The following TPD52L1 variants were observed in gnomAD, a reference collection of about 807,000 sequenced individuals.
TPD52L1 encodes the protein tumor protein D53.
TPD52L1 carries 18 observed loss-of-function variants against 28.7 expected under a neutral mutation model. The ratio of observed to expected loss-of-function variants is 0.63; its 90% CI spans 0.43 to 0.93. The LOEUF is 0.93. TPD52L1 is among the 40% of genes least tolerant of loss of function. The pLI is 0.00. For synonymous variants in TPD52L1, 75 were observed against 88.8 expected, an observed-to-expected ratio of 0.84 and a Z score of 0.88; for missense variants, 203 against 254.8, an observed-to-expected ratio of 0.80 and a Z score of 1.39.
At chr6:125,252,545 C>T (rs545367646) in intron 4 of TPD52L1, 2 of 152,258 alleles carry the variant, frequency 1.3e-5, no homozygotes, top group African/African-American at 4.8e-5. Context: ...AAAGCACGTA[C>T]GTATGTTAAG....
At chr6:125,202,212 TC>T (rs1793837579) in intron 1 of TPD52L1, among the ~76,000 whole-genome samples, 1 of 152,180 alleles carries the variant, frequency 6.6e-6, no homozygotes, top group Non-Finnish European at 1.5e-5. Flanking sequence ...TTACTATCTA[TC>T]CCTTTCTTTA....
Position 125,248,507 on chromosome 6 carries a change from T to C in TPD52L1, c.386+124T>C. On this transcript the variant is annotated intron_variant, in intron 4 of 6. Coordinates refer to ENST00000534000, the MANE Select transcript of TPD52L1 (RefSeq NM_003287.4). ...TTTATTTTAATGGATAAAAATGTTA[T>C]ATGGCTGATATGATTGATGACTAAG... is the stretch of plus-strand genomic sequence containing the variant. The C allele has an allele frequency of 1.5e-5, 10 of 665,352 alleles. No individual in the cohort carries two copies. In the South Asian group the frequency reaches 1.7e-4, roughly 11 times the overall value. The allele number at this position is 665,352 out of a possible 1,614,324, so 41.2% of individuals were successfully genotyped here. A position where few individuals can be genotyped will look rare whatever the true frequency, so the allele number is the denominator to read the frequency against.
chr6:125,246,205 G>A (rs1796912224), intron 3 of TPD52L1, among the ~76,000 whole-genome samples: 1 of 152,156 alleles, frequency 6.6e-6, no homozygotes, highest in South Asian at 2.1e-4. Flanking sequence ...TCCCTCTCCT[G>A]TGATCTGGAT....
intron 1 of TPD52L1, among the ~76,000 whole-genome samples, chr6:125,172,475 T>C (rs1228707952): frequency 1.8e-5 from 2 of 111,484 alleles, no homozygotes; most frequent in African/African-American, 7.7e-5. Flanking sequence ...TGTGTGTGTG[T>C]GTGTTTTTTT....
chr6:125,183,187 A>C (rs936431738), intron 1 of TPD52L1, among the ~76,000 whole-genome samples: 3 of 152,198 alleles, frequency 2.0e-5, no homozygotes, highest in African/African-American at 7.2e-5. Context: ...TTTTGTAGTT[A>C]GAAATGGAGA....
At chr6:125,239,139 T>A (rs1796466123) in intron 3 of TPD52L1, among the ~76,000 whole-genome samples, 1 of 152,126 alleles carries the variant, frequency 6.6e-6, no homozygotes, top group African/African-American at 2.4e-5. Context: ...CAATGTCTAT[T>A]TTTTTTAATT....
intron 1 of TPD52L1, among the ~76,000 whole-genome samples, chr6:125,206,029 G>A (rs1794109341): frequency 6.6e-6 from 1 of 152,194 alleles, no homozygotes; most frequent in Non-Finnish European, 1.5e-5. Flanking sequence ...GATGTTTAAT[G>A]TGGTCGGCTA....
chr6:125,234,686 A>G (rs971806026), intron 3 of TPD52L1, among the ~76,000 whole-genome samples: 1 of 152,172 alleles, frequency 6.6e-6, no homozygotes, highest in Non-Finnish European at 1.5e-5. Flanking sequence ...ATTAGTATTT[A>G]AGTTGTTTTT....
Position 125,223,786 on chromosome 6 carries a change from T to C in TPD52L1, c.135+3593T>C, listed in dbSNP as rs568916288. Among the ~76,000 whole-genome samples, 107 of 151,602 alleles carry C rather than the reference T, an allele frequency of 7.1e-4. 1 individual carries two copies. Among genetic ancestry groups the C allele is most frequent in the Non-Finnish European group, 4.4e-4 (30 of 67,918 alleles). On this transcript the variant is annotated intron_variant, in intron 2 of 6. Transcript: ENST00000534000. Reference sequence around the variant, plus strand: ...AATTTATTGTTGTGGTCATGCAATATGTATCTTTTTTAAAGTTCATCAAGT... The same window carrying C: ...AATTTATTGTTGTGGTCATGCAATACGTATCTTTTTTAAAGTTCATCAAGT...
At chr6:125,178,591 C>T (rs994410936) in intron 1 of TPD52L1, among the ~76,000 whole-genome samples, 3 of 151,822 alleles carry the variant, frequency 2.0e-5, no homozygotes, top group Admixed American at 6.6e-5. Flanking sequence ...ACTGCACTCC[C>T]GCCTGGGCGA....
Position 125,165,092 on chromosome 6 carries a change from A to ATATATATATATATT in TPD52L1, c.19+11129_19+11130insATATATTTATATAT. ...CCTGTCTCTTAAAAAAAAGATATAT[A>ATATATATATATATT]TATATATTTTAACTGTATATATATA... On this transcript the variant is annotated intron_variant, in intron 1 of 6. Coordinates refer to ENST00000534000, the MANE Select transcript of TPD52L1 (RefSeq NM_003287.4). 3.7e-4 allele frequency among the ~76,000 whole-genome samples: 39 copies of ATATATATATATATT among 104,200 alleles called. 4 individuals are homozygous for ATATATATATATATT. Among genetic ancestry groups the ATATATATATATATT allele is most frequent in the African/African-American group, 1.6e-3 (26 of 16,458 alleles). The allele number at this position is 104,200 out of a possible 152,430, so 68.4% of individuals were successfully genotyped here. A position where few individuals can be genotyped will look rare whatever the true frequency, so the allele number is the denominator to read the frequency against.
chr6:125,230,265 G>A (rs1347202639), intron 3 of TPD52L1, among the ~76,000 whole-genome samples: 1 of 152,058 alleles, frequency 6.6e-6, no homozygotes, highest in African/African-American at 2.4e-5. Flanking sequence ...TATTTTACCT[G>A]CTGGGGGTCT....
At chr6:125,193,716 A>C (rs1300039008) in intron 1 of TPD52L1, among the ~76,000 whole-genome samples, 1 of 152,324 alleles carries the variant, frequency 6.6e-6, no homozygotes, top group Non-Finnish European at 1.5e-5. Flanking sequence ...TATGAAAAAC[A>C]AATATATTAA....
chr6:125,254,790 T>G (rs1797495505), intron 5 of TPD52L1, among the ~76,000 whole-genome samples: 1 of 152,146 alleles, frequency 6.6e-6, no homozygotes, highest in Non-Finnish European at 1.5e-5. Flanking sequence ...TCTGATTAAA[T>G]CTTATTAAAG....
intron 1 of TPD52L1, among the ~76,000 whole-genome samples, chr6:125,206,657 A>G (rs768405857): frequency 1.4e-4 from 22 of 152,236 alleles, no homozygotes; most frequent in Non-Finnish European, 1.6e-4. Context: ...ACAGCCAGCT[A>G]TGGAGGACTT....
intron 1 of TPD52L1, among the ~76,000 whole-genome samples, chr6:125,175,562 G>A (rs1319563051): frequency 2.6e-5 from 4 of 152,084 alleles, no homozygotes. Context: ...GAGAGGAAGG[G>A]GAAAATATGG....
At chr6:125,247,354 T>C (rs956393480) in intron 3 of TPD52L1, among the ~76,000 whole-genome samples, 1 of 152,172 alleles carries the variant, frequency 6.6e-6, no homozygotes, top group East Asian at 1.9e-4. Context: ...TATTTCCCAC[T>C]TTCATAACCA....
chr6:125,184,349 A>G (rs184728754), intron 1 of TPD52L1, among the ~76,000 whole-genome samples: 1 of 152,348 alleles, frequency 6.6e-6, no homozygotes, highest in Non-Finnish European at 1.5e-5. Flanking sequence ...TAGGGGCAGA[A>G]AACTGGGACC....
At chr6:125,251,822 T>C (rs3799735) in intron 4 of TPD52L1, among the ~76,000 whole-genome samples, 1 of 152,152 alleles carries the variant, frequency 6.6e-6, no homozygotes, top group Non-Finnish European at 1.5e-5. Context: ...CTTATAGGAA[T>C]AACAGAAGCA....
Sources: allele counts gnomAD v4.1 joint callset (sites outside exome capture counted in the v4.1 genomes callset), GRCh38; gene constraint gnomAD v4.1.1; transcripts MANE v1.5; gene names NCBI Gene and HGNC (gene_info 2026-07-23, HGNC 2026-07-21).